EFCAB13: variants seen among roughly 807,000 people sequenced by gnomAD.
EFCAB13 encodes the protein EF-hand calcium binding domain 13.
EFCAB13 carries 91 observed loss-of-function variants against 110.2 expected under a neutral mutation model. The ratio of observed to expected loss-of-function variants is 0.83; its 90% confidence interval spans 0.70 to 0.98. The LOEUF (loss-of-function observed/expected upper bound fraction) is 0.98, where lower values mean the gene tolerates loss of function less well. Ranked by LOEUF, EFCAB13 falls within the 50% of genes least tolerant of loss-of-function variation. EFCAB13 has a pLI of 0.00. For synonymous variants in EFCAB13, 323 were observed against 369.9 expected, an observed-to-expected ratio of 0.87 and a Z score of 1.45; for missense variants, 968 against 1,119.4, an observed-to-expected ratio of 0.86 and a Z score of 1.93.
At position 47,335,374 on chromosome 17, in the gene EFCAB13, A is replaced by G; in HGVS notation, c.191+18A>G. The G allele has an allele frequency of 6.4e-7, 1 of 1,565,820 alleles. No homozygotes were observed. Among genetic ancestry groups the G allele is most frequent in the Non-Finnish European group, 8.6e-7 (1 of 1,163,618 alleles). On this transcript the variant is annotated intron_variant, in intron 5 of 24. Transcript: ENST00000331493. ...AAAAAAATGTAAGTTAAAAACTCTG[A>G]ACTTACTTTATTGAATTATACTTTT...
intron 14 of EFCAB13, among the ~76,000 whole-genome samples, chr17:47,380,880 C>CTT (rs751480738): frequency 0.05 from 6,086 of 122,798 alleles, 333 homozygotes; most frequent in East Asian, 0.15. Flanking sequence ...ATTGCTTCTT[C>CTT]TTTTTTTTTT....
chr17:47,395,855 C>G lies in EFCAB13; in HGVS notation c.1823C>G (p.Thr608Ser). The G allele has an allele frequency of 1.2e-6, 2 of 1,608,360 alleles. No individual in the cohort carries two copies. Among genetic ancestry groups the G allele is most frequent in the South Asian group, 1.1e-5 (1 of 90,124 alleles). The change falls in exon 17 of 25, where the codon ACC becomes AGC. Residue 608 changes from threonine (T) to serine (S), a missense_variant. By Grantham distance (58) the Thr-to-Ser change is moderately conservative. Coordinates refer to ENST00000331493, the MANE Select transcript of EFCAB13 (RefSeq NM_152347.5). The stretch of plus-strand genomic sequence containing the variant: ...TTAGTATTGCCTGATGCTATTGAAA[C>G]CCTCGACGATCTCAGAAAGGAGACG... Reference protein sequence around the residue: ...EKLVLPDAIETLDDLRKETMS... With the variant: ...EKLVLPDAIESLDDLRKETMS...
chr17:47,394,347 T>C (rs1356525688), intron 16 of EFCAB13, among the ~76,000 whole-genome samples: 2 of 152,180 alleles, frequency 1.3e-5, no homozygotes, highest in African/African-American at 2.4e-5. Context: ...AGCGCACTTA[T>C]AGAGGGCTAG....
Position 47,380,250 on chromosome 17 carries a change from G to GC in EFCAB13, c.1582+1001dup, listed in dbSNP as rs1253072094. On this transcript the variant is annotated intron_variant, in intron 14 of 24. Coordinates refer to ENST00000331493, the MANE Select transcript of EFCAB13 (RefSeq NM_152347.5). The stretch of plus-strand genomic sequence containing the variant: ...CTACTAGCCCCCTACCCCCTGACAG[G>GC]CCCCAGTGTGTGATGTTCCCCTCCC... Among the ~76,000 whole-genome samples, 3 of 151,682 alleles carry GC rather than the reference G, an allele frequency of 2.0e-5. No homozygotes were observed. In the East Asian group the frequency reaches 5.8e-4, roughly 29 times the overall value.
At chr17:47,382,664 T>A (rs1222208306) in intron 14 of EFCAB13, among the ~76,000 whole-genome samples, 2 of 151,784 alleles carry the variant, frequency 1.3e-5, no homozygotes, top group African/African-American at 4.8e-5. Context: ...AGCTTTTTGA[T>A]GTGTGGCTGG....
intron 4 of EFCAB13, among the ~76,000 whole-genome samples, chr17:47,329,293 G>A (rs1029639379): frequency 1.3e-5 from 2 of 152,032 alleles, no homozygotes; most frequent in Non-Finnish European, 2.9e-5. Context: ...ACACAAAAGG[G>A]TGGGGGGATT....
chr17:47,401,366 G>A (rs1294082080), intron 17 of EFCAB13, among the ~76,000 whole-genome samples: 2 of 152,106 alleles, frequency 1.3e-5, no homozygotes, highest in Non-Finnish European at 2.9e-5. Context: ...TGTTTCCTGT[G>A]TTCATCACTT....
intron 24 of EFCAB13, among the ~76,000 whole-genome samples, chr17:47,435,805 G>A (rs1905202532): frequency 1.3e-5 from 2 of 152,052 alleles, no homozygotes; most frequent in South Asian, 2.1e-4. Context: ...ACTCTGGCTA[G>A]GACTTCCAGT....
chr17:47,328,182 A>G (rs1406738006), intron 3 of EFCAB13, 87 bp from the exon 4 acceptor site: 6 of 684,220 alleles, frequency 8.8e-6, no homozygotes, highest in South Asian at 7.2e-5. Flanking sequence ...TCAGTGTTAC[A>G]TTGAAGAGAT....
At chr17:47,380,301 A>G (rs530919221) in intron 14 of EFCAB13, among the ~76,000 whole-genome samples, 4 of 151,260 alleles carry the variant, frequency 2.6e-5, no homozygotes, top group Non-Finnish European at 5.9e-5. Context: ...TCATTGTTCA[A>G]CTCCCACTTA....
At chr17:47,377,133 C>T (rs1432315515) in intron 12 of EFCAB13, among the ~76,000 whole-genome samples, 4 of 151,960 alleles carry the variant, frequency 2.6e-5, no homozygotes, top group African/African-American at 7.3e-5. Flanking sequence ...CAAAACACTT[C>T]GGTATTTTTA....
At chr17:47,397,159 G>C (rs1299412266) in intron 17 of EFCAB13, among the ~76,000 whole-genome samples, 1 of 151,938 alleles carries the variant, frequency 6.6e-6, no homozygotes, top group African/African-American at 2.4e-5. Context: ...TTGCAGGCGC[G>C]CGCCGCCACG....
Position 47,374,882 on chromosome 17 carries a change from A to G in EFCAB13, c.1288A>G (p.Lys430Glu). 1 of 1,611,652 alleles carries G rather than the reference A, an allele frequency of 6.2e-7. No homozygotes were observed. The highest frequency in any genetic ancestry group is 8.5e-7 in the Non-Finnish European group (1 of 1,179,416). Residue 430 changes from lysine to glutamate, a missense_variant, in exon 12 of 25, where the codon AAA (lysine) becomes GAA (glutamate). By Grantham distance (56) the Lys-to-Glu change is moderately conservative (BLOSUM62 1). Transcript: ENST00000331493. Reference protein sequence around the residue: ...LDKSDISSIPKLQKPAVRKHS... With the variant: ...LDKSDISSIPELQKPAVRKHS... ...TAAAAGTGATATTTCTAGTATCCCAAAACTTCAGAAGCCAGCTGTAAGAAA... is the reference window on the plus strand; with the variant it reads ...TAAAAGTGATATTTCTAGTATCCCAGAACTTCAGAAGCCAGCTGTAAGAAA...
At chr17:47,360,971 T>A (rs72825655) in intron 9 of EFCAB13, among the ~76,000 whole-genome samples, 13,361 of 152,190 alleles carry the variant, frequency 0.088, 847 homozygotes, top group East Asian at 0.35. Flanking sequence ...TGACTCTAAA[T>A]ATTTTAGAAA....
At chr17:47,424,952 G>C (rs1180508689) in intron 23 of EFCAB13, among the ~76,000 whole-genome samples, 1 of 124,308 alleles carries the variant, frequency 8.0e-6, no homozygotes, top group Non-Finnish European at 1.6e-5. Context: ...GCGCGATCTC[G>C]GCTCACTGCA....
At chr17:47,433,465 T>G (rs1311008120) in intron 24 of EFCAB13, among the ~76,000 whole-genome samples, 1 of 152,138 alleles carries the variant, frequency 6.6e-6, no homozygotes, top group African/African-American at 2.4e-5. Context: ...GGGAGGAGTA[T>G]CAAAGAATTT....
chr17:47,420,181 G>A (rs1282369961), intron 23 of EFCAB13, among the ~76,000 whole-genome samples: 5 of 152,226 alleles, frequency 3.3e-5, no homozygotes, highest in Non-Finnish European at 1.5e-5. Flanking sequence ...AGCTCCTAAC[G>A]TGAGTGATCC....
At chr17:47,420,856 G>GT (rs1904665340) in intron 23 of EFCAB13, among the ~76,000 whole-genome samples, 1 of 151,672 alleles carries the variant, frequency 6.6e-6, no homozygotes. Flanking sequence ...CGTCCGGGAG[G>GT]GAGGTGGGGG....
intron 7 of EFCAB13, among the ~76,000 whole-genome samples, chr17:47,344,505 T>G (rs1474814854): frequency 6.6e-6 from 1 of 152,146 alleles, no homozygotes; most frequent in African/African-American, 2.4e-5. Flanking sequence ...TTGTAAAATT[T>G]ACATCTCTGG....
Sources: allele counts gnomAD v4.1 joint callset (sites outside exome capture counted in the v4.1 genomes callset), GRCh38; gene constraint gnomAD v4.1.1; transcripts MANE v1.5; gene names NCBI Gene and HGNC (gene_info 2026-07-23, HGNC 2026-07-21).